Variants in PLCB4 observed in about 807,000 individuals in gnomAD.
PLCB4 encodes 1-phosphatidylinositol 4,5-bisphosphate phosphodiesterase beta-4.
PLCB4 carries 77 observed loss-of-function variants against 178.8 expected under a neutral mutation model. The ratio of observed to expected loss-of-function variants is 0.43; its 90% CI spans 0.36 to 0.52. The LOEUF is 0.52. Among genes scored for constraint, PLCB4 ranks in the 20% least tolerant of loss-of-function variants. PLCB4 has a pLI of 0.00. For missense variants in PLCB4, 1,024 were observed against 1,453.4 expected (o/e 0.70, Z 4.80); for synonymous variants, 496 against 490.8 (o/e 1.01, Z -0.14).
rs1461300446 is a variant in PLCB4, at chr20:9,307,825, C to T, written c.11C>T (p.Pro4Leu). 1.3e-6 allele frequency: 2 copies of T among 1,596,000 alleles called. No individual in the cohort carries two copies. Among genetic ancestry groups the T allele is most frequent in the Admixed American group, 1.7e-5 (1 of 59,482 alleles). ...GTCTTGAATATAATCATGGCCAAAC[C>T]TTATGAATTTAACTGGCAGAAGGAA... MAK[P>L]YEFNWQKEVP... Residue 4 changes from proline to leucine, a missense_variant, in exon 4 of 40, where the codon CCT becomes CTT. Around this residue, in one of 7 missense-constraint regions of PLCB4, gnomAD observed 225 missense variants for 291.0 expected, o/e 0.77. Coordinates refer to ENST00000378473, the MANE Select transcript of PLCB4 (RefSeq NM_001377142.1).
At chr20:9,328,045 C>T (rs1039514064) in intron 4 of PLCB4, among the ~76,000 whole-genome samples, 3 of 152,096 alleles carry the variant, frequency 2.0e-5, no homozygotes, top group Admixed American at 6.5e-5. Flanking sequence ...TCACCTTCCA[C>T]AGGAAGCTGT....
At chr20:9,172,942 T>C (rs914173715) in intron 2 of PLCB4, among the ~76,000 whole-genome samples, 5 of 152,238 alleles carry the variant, frequency 3.3e-5, no homozygotes, top group African/African-American at 1.2e-4. Flanking sequence ...ATAATTTCAT[T>C]TTGTAGAATG....
At chr20:9,420,174 G>A (rs918653395) in intron 26 of PLCB4, among the ~76,000 whole-genome samples, 1 of 152,092 alleles carries the variant, frequency 6.6e-6, no homozygotes, top group Non-Finnish European at 1.5e-5. Context: ...TATAGTGACA[G>A]ACAGTAAATC....
chr20:9,376,037 T>C (rs1568682359), intron 12 of PLCB4, among the ~76,000 whole-genome samples: 1 of 152,058 alleles, frequency 6.6e-6, no homozygotes, highest in African/African-American at 2.4e-5. Flanking sequence ...ACTATATATA[T>C]AGTCCATTTA....
intron 2 of PLCB4, among the ~76,000 whole-genome samples, chr20:9,183,681 G>A (rs957414745): frequency 1.9e-4 from 29 of 152,104 alleles, no homozygotes; most frequent in African/African-American, 5.8e-4. Flanking sequence ...GTATACAGAC[G>A]TTTAAAGTTG....
intron 2 of PLCB4, among the ~76,000 whole-genome samples, chr20:9,156,845 C>CTCCT (rs1358506207): frequency 7.7e-6 from 1 of 130,298 alleles, no homozygotes; most frequent in Admixed American, 7.9e-5. Context: ...CCCTCCCTCC[C>CTCCT]TCCCTCCCTT....
At chr20:9,309,154 C>G (rs933547554) in intron 4 of PLCB4, among the ~76,000 whole-genome samples, 1 of 152,134 alleles carries the variant, frequency 6.6e-6, no homozygotes, top group African/African-American at 2.4e-5. Context: ...AAATACAAGG[C>G]CTTCTATAAT....
intron 2 of PLCB4, among the ~76,000 whole-genome samples, chr20:9,204,359 A>G (rs960313972): frequency 4.0e-5 from 6 of 151,310 alleles, no homozygotes; most frequent in Non-Finnish European, 7.4e-5. Flanking sequence ...AAGCTCTAAG[A>G]TTTTTTTTGC....
intron 2 of PLCB4, among the ~76,000 whole-genome samples, chr20:9,121,302 G>A (rs2091956427): frequency 6.6e-6 from 1 of 151,974 alleles, no homozygotes; most frequent in African/African-American, 2.4e-5. Flanking sequence ...TTTTTGTTTA[G>A]TAACCATCAC....
chr20:9,414,823 T>G (rs1038646983), intron 25 of PLCB4, among the ~76,000 whole-genome samples: 6 of 152,232 alleles, frequency 3.9e-5, no homozygotes, highest in Non-Finnish European at 4.4e-5. Context: ...AATTAATACC[T>G]AAAATCTTTT....
intron 3 of PLCB4, among the ~76,000 whole-genome samples, chr20:9,267,650 A>C (rs2094362339): frequency 6.6e-6 from 1 of 152,220 alleles, no homozygotes; most frequent in African/African-American, 2.4e-5. Flanking sequence ...GATACATGAA[A>C]ATATGTAGAA....
chr20:9,165,767 CGATG>C (rs1860077829), intron 2 of PLCB4, among the ~76,000 whole-genome samples: 1 of 149,096 alleles, frequency 6.7e-6, no homozygotes, highest in Non-Finnish European at 1.5e-5. Context: ...ACGCTGTCAC[CGATG>C]GATGGGTAAA....
chr20:9,435,310 A>G lies in PLCB4; in HGVS notation c.2525-250A>G, dbSNP rs150272154. ...TTTGTCCTGACACTTTGCCTCCTTCATATCAGGAAAAACTTTGTATCAGGA... is the reference window on the plus strand; with the variant it reads ...TTTGTCCTGACACTTTGCCTCCTTCGTATCAGGAAAAACTTTGTATCAGGA... On this transcript the variant is annotated intron_variant, in intron 28 of 39. Transcript: ENST00000378473. 8.5e-3 allele frequency among the ~76,000 whole-genome samples: 1,288 copies of G among 152,366 alleles called. 13 individuals are homozygous for G. The highest frequency in any genetic ancestry group is 0.013 in the Non-Finnish European group (917 of 68,032).
chr20:9,180,621 G>A (rs2093230207), intron 2 of PLCB4, among the ~76,000 whole-genome samples: 2 of 152,112 alleles, frequency 1.3e-5, no homozygotes, highest in African/African-American at 2.4e-5. Flanking sequence ...ACAAAGGTGG[G>A]ACTCTTGCTA....
intron 28 of PLCB4, among the ~76,000 whole-genome samples, chr20:9,430,500 A>C (rs1283867570): frequency 1.3e-5 from 2 of 152,268 alleles, no homozygotes; most frequent in Non-Finnish European, 2.9e-5. Context: ...GTTTCAAAAA[A>C]TAAGACCAAA....
At chr20:9,420,385 A>G (rs965603860) in intron 26 of PLCB4, among the ~76,000 whole-genome samples, 10 of 151,850 alleles carry the variant, frequency 6.6e-5, no homozygotes, top group African/African-American at 2.2e-4. Flanking sequence ...TCGCCCAGGC[A>G]GGAGTGCAGT....
chr20:9,262,935 G>T (rs929827925), intron 3 of PLCB4, among the ~76,000 whole-genome samples: 6 of 152,146 alleles, frequency 3.9e-5, no homozygotes, highest in Non-Finnish European at 8.8e-5. Context: ...GAACTGGAAA[G>T]CTTTAAAGAA....
chr20:9,459,177 C>G (rs1483940790), intron 34 of PLCB4, among the ~76,000 whole-genome samples: 1 of 152,066 alleles, frequency 6.6e-6, no homozygotes, highest in Non-Finnish European at 1.5e-5. Flanking sequence ...AACCCTGTCT[C>G]TAGTAAAAAT....
At chr20:9,166,026 A>G (rs1433984606) in intron 2 of PLCB4, among the ~76,000 whole-genome samples, 1 of 152,130 alleles carries the variant, frequency 6.6e-6, no homozygotes, top group Non-Finnish European at 1.5e-5. Context: ...TCCTTTCTTG[A>G]ACTCTGAAGG....
Sources: gnomAD v4.1 joint callset for allele counts (sites outside exome capture counted in the v4.1 genomes callset) on GRCh38, gnomAD v4.1.1 for gene constraint, gnomAD v4.1.1 regional missense constraint, MANE v1.5 for transcripts, NCBI Gene and HGNC (gene_info 2026-07-23, HGNC 2026-07-21) for gene names.